The following CCND3 variants were observed in gnomAD, a reference collection of about 807,000 sequenced individuals.
CCND3 encodes G1/S-specific cyclin-D3.
CCND3 carries 9 observed loss-of-function variants against 28.7 expected under a neutral mutation model. The observed-to-expected ratio is 0.31, with a 90% CI of 0.19 to 0.55. The LOEUF (loss-of-function observed/expected upper bound fraction) is 0.55, where lower values mean the gene tolerates loss of function less well. Among genes scored for constraint, CCND3 ranks in the 20% least tolerant of loss-of-function variants. The pLI, the probability that CCND3 is intolerant of heterozygous loss-of-function variation, is 0.93. For synonymous variants in CCND3, 164 were observed against 163.9 expected (o/e 1.00, Z 0.00); for missense variants, 315 against 385.8 (o/e 0.82, Z 1.54).
At chr6:42,024,450 T>C (rs964075394) in intron 1 of CCND3, among the ~76,000 whole-genome samples, 7 of 151,288 alleles carry the variant, frequency 4.6e-5, no homozygotes, top group African/African-American at 1.5e-4. Flanking sequence ...AGCTGGTGTG[T>C]GGAAGAGGCA....
chr6:41,937,173 C>T (rs1775829705), intron 3 of CCND3, 62 bp downstream of exon 3: 1 of 1,556,092 alleles, frequency 6.4e-7, no homozygotes, highest in South Asian at 1.1e-5. Flanking sequence ...CTTCAGTTAC[C>T]TCTCACCCTT....
At chr6:42,038,422 C>A (rs1156576944) in intron 1 of CCND3, among the ~76,000 whole-genome samples, 2 of 151,962 alleles carry the variant, frequency 1.3e-5, no homozygotes, top group East Asian at 3.9e-4. Context: ...TGCCTGTGGT[C>A]CCAGTTACTT....
Position 42,048,680 on chromosome 6 carries a change from G to C in CCND3, c.-225C>G, listed in dbSNP as rs1562004026. The C allele has an allele frequency of 1.9e-6, 1 of 518,106 alleles. No individual in the cohort carries two copies. Among genetic ancestry groups the C allele is most frequent in the Non-Finnish European group, 3.9e-6 (1 of 259,538 alleles). The allele number at this position is 518,106 out of a possible 1,614,324, so 32.1% of individuals were successfully genotyped here. A position where few individuals can be genotyped will look rare whatever the true frequency, so the allele number is the denominator to read the frequency against. ...AGCCAGTCTCCACCCCTGCAGTGGC[G>C]AAGTGTTTACAAAGTCCGCGCCGCG... On this transcript the variant is annotated 5_prime_UTR_variant, in exon 1 of 5. Transcript: ENST00000372988. The surrounding 1 kb of genome is among the most constrained non-coding windows in gnomAD (Gnocchi z 4.7).
At chr6:41,983,907 A>G (rs116549857) in intron 1 of CCND3, among the ~76,000 whole-genome samples, 2,657 of 152,286 alleles carry the variant, frequency 0.017, 54 homozygotes, top group South Asian at 0.072. Flanking sequence ...GAATCTATTT[A>G]TCCTATCAAA....
At chr6:41,988,932 C>T (rs1762572319) in intron 1 of CCND3, among the ~76,000 whole-genome samples, 2 of 151,700 alleles carry the variant, frequency 1.3e-5, no homozygotes, top group South Asian at 4.2e-4. Flanking sequence ...ATCTCCTGAC[C>T]TCATGATCCG....
chr6:41,991,065 T>A (rs1228669146), intron 1 of CCND3, among the ~76,000 whole-genome samples: 2 of 151,884 alleles, frequency 1.3e-5, no homozygotes, highest in Non-Finnish European at 2.9e-5. Context: ...GGAAAACTTT[T>A]TTTTTTTTTT....
chr6:42,044,740 C>CT (rs11422993), intron 1 of CCND3, among the ~76,000 whole-genome samples: 1,730 of 152,014 alleles, frequency 0.011, 36 homozygotes, highest in African/African-American at 0.039. Context: ...CCTCCTGCAT[C>CT]TTTTTTTAAC....
intron 1 of CCND3, among the ~76,000 whole-genome samples, chr6:41,984,487 C>T (rs1050598119): frequency 3.3e-5 from 5 of 152,166 alleles, no homozygotes; most frequent in Non-Finnish European, 5.9e-5. Flanking sequence ...GCTGGGATTA[C>T]AGGCGCCTGC....
At chr6:41,991,922 G>A (rs1762659112) in intron 1 of CCND3, among the ~76,000 whole-genome samples, 2 of 152,270 alleles carry the variant, frequency 1.3e-5, no homozygotes, top group South Asian at 4.1e-4. Flanking sequence ...TAAATGACAG[G>A]ATTTCATTCT....
intron 1 of CCND3, among the ~76,000 whole-genome samples, chr6:41,979,415 T>C (rs1454444949): frequency 1.3e-5 from 2 of 150,382 alleles, no homozygotes; most frequent in African/African-American, 2.4e-5. Context: ...GCACCTGTAG[T>C]CCCAGCTACT....
chr6:41,945,814 A>G (rs928373576), upstream of CCND3, among the ~76,000 whole-genome samples: 1 of 152,210 alleles, frequency 6.6e-6, no homozygotes, highest in Non-Finnish European at 1.5e-5. Context: ...TGTTCTGAAA[A>G]TTAAACAAGC....
chr6:42,016,587 C>CT (rs1763520930), intron 1 of CCND3, among the ~76,000 whole-genome samples: 1 of 9,512 alleles, frequency 1.1e-4, no homozygotes, highest in Admixed American at 2.2e-3. Context: ...CTATTACTAT[C>CT]TATTACTTTT....
At chr6:42,031,181 G>C (rs1249620098) in intron 1 of CCND3, 1 of 152,210 alleles carries the variant, frequency 6.6e-6, no homozygotes, top group South Asian at 2.1e-4. Context: ...AGGGACAAGG[G>C]GGAAAAGCAG....
Position 41,935,924 on chromosome 6 carries a change from G to A in CCND3, c.*16C>T. On this transcript the variant is annotated 3_prime_UTR_variant, in exon 5 of 5. Coordinates refer to ENST00000372991, the MANE Select transcript of CCND3 (RefSeq NM_001760.5). ...CCTCCTCTGCTTAGTGGCCACTCCAGAGGGCCTCTCCAGGGCTACAGGTGT... is the reference window on the plus strand; with the variant it reads ...CCTCCTCTGCTTAGTGGCCACTCCAAAGGGCCTCTCCAGGGCTACAGGTGT... 1 of 1,600,998 alleles carries A rather than the reference G, an allele frequency of 6.2e-7. No homozygotes were observed. The highest frequency in any genetic ancestry group is 1.1e-5 in the South Asian group (1 of 89,126).
At chr6:42,043,566 G>C (rs1038177420) in intron 1 of CCND3, among the ~76,000 whole-genome samples, 1 of 151,510 alleles carries the variant, frequency 6.6e-6, no homozygotes, top group Admixed American at 6.6e-5. Flanking sequence ...GCATGGTGGC[G>C]CCACGCGTGT....
At chr6:41,976,666 C>T (rs11964130) in intron 1 of CCND3, among the ~76,000 whole-genome samples, 9,935 of 152,146 alleles carry the variant, frequency 0.065, 669 homozygotes, top group African/African-American at 0.16. Flanking sequence ...CGGTCTCAGT[C>T]ACTGTGGCTT....
intron 1 of CCND3, among the ~76,000 whole-genome samples, chr6:42,035,319 T>A (rs950248915): frequency 4.6e-5 from 7 of 152,204 alleles, no homozygotes; most frequent in African/African-American, 1.2e-4. Context: ...GTTTCCCAGC[T>A]CACCCCCTTG....
chr6:42,040,410 T>C (rs1764336412), intron 1 of CCND3, among the ~76,000 whole-genome samples: 1 of 151,806 alleles, frequency 6.6e-6, no homozygotes, highest in African/African-American at 2.4e-5. Flanking sequence ...AGAGCGAGAC[T>C]CTGTCTCAAA....
chr6:41,948,434 C>T (rs951667074), intron 1 of CCND3, among the ~76,000 whole-genome samples: 1 of 151,964 alleles, frequency 6.6e-6, no homozygotes, highest in African/African-American at 2.4e-5. Flanking sequence ...CTCCCAGGCT[C>T]AAGTGGTCTT....
Sources: allele counts gnomAD v4.1 joint callset (sites outside exome capture counted in the v4.1 genomes callset), GRCh38; gene constraint gnomAD v4.1.1; non-coding constraint Gnocchi (gnomAD v3.1); transcripts MANE v1.5; gene names NCBI Gene and HGNC (gene_info 2026-07-23, HGNC 2026-07-21).